The following AHCYL2 variants were observed in gnomAD, a reference collection of about 807,000 sequenced individuals.
AHCYL2 encodes the protein adenosylhomocysteinase like 2.
In AHCYL2, 28 loss-of-function variants were observed where a neutral mutation model predicts 81.4. That is an observed-to-expected ratio of 0.34 (90% CI 0.25 to 0.47). The LOEUF is 0.47. Ranked by LOEUF, AHCYL2 falls within the 20% of genes least tolerant of loss-of-function variation. The pLI is 1.00. For missense variants in AHCYL2, 551 were observed against 785.1 expected (o/e 0.70, Z 3.56); for synonymous variants, 272 against 290.2 (o/e 0.94, Z 0.64).
Position 129,410,574 on chromosome 7 carries a change from C to T in AHCYL2, c.1366+1028C>T, listed in dbSNP as rs548199782. On this transcript the variant is annotated intron_variant, in intron 11 of 16. Transcript: ENST00000325006. ...CCCGGGAAGCCAGATCTTAAATGTA[C>T]ACTTGATTTTTTATTTTACCTCCAA... Among the ~76,000 whole-genome samples the T allele has an allele frequency of 3.3e-5, 5 of 152,312 alleles. No homozygotes were observed. In the East Asian group the frequency reaches 7.7e-4, roughly 24 times the overall value.
chr7:129,271,351 A>ACT (rs1796006530), intron 1 of AHCYL2, among the ~76,000 whole-genome samples: 1 of 113,846 alleles, frequency 8.8e-6, no homozygotes, highest in Non-Finnish European at 1.8e-5. Context: ...ACAGAACGAG[A>ACT]CTGTCTCCAA....
intron 1 of AHCYL2, among the ~76,000 whole-genome samples, chr7:129,288,614 C>T (rs1796724769): frequency 6.6e-6 from 1 of 152,000 alleles, no homozygotes; most frequent in African/African-American, 2.4e-5. Context: ...CCTGCCTCAG[C>T]CTCCCAAAGT....
chr7:129,386,047 GT>G (rs767912514), intron 2 of AHCYL2, among the ~76,000 whole-genome samples: 6 of 152,082 alleles, frequency 3.9e-5, no homozygotes, highest in Non-Finnish European at 7.4e-5. Context: ...CCTTTCCACT[GT>G]GTTTGCAGAA....
chr7:129,416,395 A>T (rs1584906141), intron 12 of AHCYL2, among the ~76,000 whole-genome samples: 1 of 152,368 alleles, frequency 6.6e-6, no homozygotes, highest in African/African-American at 2.4e-5. Flanking sequence ...TGTAAAATTT[A>T]TACTATGTTA....
chr7:129,233,165 A>T (rs1193020497), intron 1 of AHCYL2, among the ~76,000 whole-genome samples: 3 of 152,060 alleles, frequency 2.0e-5, no homozygotes, highest in East Asian at 3.9e-4. Flanking sequence ...ACTGCGAATT[A>T]TTTCTTCATA....
intron 1 of AHCYL2, among the ~76,000 whole-genome samples, chr7:129,228,743 T>C (rs1240627428): frequency 6.6e-6 from 1 of 152,260 alleles, no homozygotes; most frequent in Non-Finnish European, 1.5e-5. Context: ...GAACCTCAAC[T>C]AGATTGTGCT....
Position 129,422,954 on chromosome 7 carries a change from G to A in AHCYL2, c.1560+16G>A. The A allele has an allele frequency of 1.2e-6, 2 of 1,610,190 alleles. No homozygotes were observed. The highest frequency in any genetic ancestry group is 1.1e-5 in the South Asian group (1 of 90,812). ...GCTGGCAGAGGTAAGGCTGAGACTG[G>A]CAAAAATACTCCCCCACAACAGGAG... On this transcript the variant is annotated intron_variant, in intron 13 of 16. Transcript: ENST00000325006.
intron 1 of AHCYL2, among the ~76,000 whole-genome samples, chr7:129,343,648 A>C (rs1482020529): frequency 1.3e-5 from 2 of 152,186 alleles, no homozygotes; most frequent in Admixed American, 6.5e-5. Context: ...GGGCAAAGTG[A>C]ACTTTGTTTC....
chr7:129,388,783 G>A, intron 2 of AHCYL2: 1 of 340,472 alleles, frequency 2.9e-6, no homozygotes, highest in African/African-American at 2.1e-5. Flanking sequence ...CTACCATGGT[G>A]TAACCTTTTC....
At chr7:129,331,591 C>T (rs974536326) in intron 1 of AHCYL2, among the ~76,000 whole-genome samples, 49 of 152,120 alleles carry the variant, frequency 3.2e-4, no homozygotes, top group Admixed American at 3.1e-3. Context: ...TGCCTGTAAT[C>T]CCAGCACTTT....
rs1057247595 is a variant in AHCYL2, at chr7:129,291,703, C to T, written c.363+66264C>T. ...CTGGAAGCCCCACCTCCCAGGTTCA[C>T]GCCGTTCTTCGCCTCAGCCTCCCGA... On this transcript the variant is annotated intron_variant, in intron 1 of 16. Coordinates refer to ENST00000325006, the MANE Select transcript of AHCYL2 (RefSeq NM_015328.4). Among the ~76,000 whole-genome samples the T allele has an allele frequency of 3.8e-4, 6 of 15,854 alleles. No homozygotes were observed. The Non-Finnish European group carries it at 0.028, about 74-fold the overall frequency. The allele number at this position is 15,854 out of a possible 152,430, so 10.4% of individuals were successfully genotyped here.
chr7:129,346,001 CTAAG>C (rs1793349504), intron 1 of AHCYL2, among the ~76,000 whole-genome samples: 1 of 151,898 alleles, frequency 6.6e-6, no homozygotes, highest in Admixed American at 6.6e-5. Context: ...TCTGGGCTGT[CTAAG>C]TAGAGATTTA....
intron 1 of AHCYL2, among the ~76,000 whole-genome samples, chr7:129,225,897 C>CA (rs1199015941): frequency 6.6e-6 from 1 of 152,188 alleles, no homozygotes; most frequent in African/African-American, 2.4e-5. Flanking sequence ...TAGAAATCGT[C>CA]AGAGTTGTCT....
intron 2 of AHCYL2, among the ~76,000 whole-genome samples, chr7:129,385,507 T>G (rs983273345): frequency 6.6e-6 from 1 of 152,092 alleles, no homozygotes; most frequent in African/African-American, 2.4e-5. Flanking sequence ...CATGCTGTCT[T>G]TTGATTTTGG....
At chr7:129,397,482 G>A (rs1018423139) in intron 5 of AHCYL2, among the ~76,000 whole-genome samples, 158 bp downstream of exon 5, 56 of 152,168 alleles carry the variant, frequency 3.7e-4, no homozygotes, top group African/African-American at 1.3e-3. Flanking sequence ...TCTGGCCTTC[G>A]CTTGTCAAAT....
rs150553280 is a variant in AHCYL2, at chr7:129,379,797, G to A, written c.475+48G>A. The A allele has an allele frequency of 6.4e-3, 9,095 of 1,429,074 alleles. 41 individuals carry two copies. The highest frequency in any genetic ancestry group is 7.6e-3 in the Non-Finnish European group (7,833 of 1,025,058). 88.5% of individuals were successfully genotyped at this position (1,429,074 alleles called of 1,614,324 possible). On this transcript the variant is annotated intron_variant, in intron 2 of 16. Transcript: ENST00000325006. Reference sequence around the variant, plus strand: ...CCCAGCTGTTGAGGCTAATAAGTACGATCTCAATGGGCCCTCCTGTCTATC... The same window carrying A: ...CCCAGCTGTTGAGGCTAATAAGTACAATCTCAATGGGCCCTCCTGTCTATC...
At chr7:129,286,054 C>T (rs886384858) in intron 1 of AHCYL2, among the ~76,000 whole-genome samples, 3 of 152,090 alleles carry the variant, frequency 2.0e-5, no homozygotes, top group Non-Finnish European at 2.9e-5. Context: ...TACCCCCAAC[C>T]TCCACCAAAA....
intron 1 of AHCYL2, among the ~76,000 whole-genome samples, chr7:129,355,412 AATAAG>A (rs1352818368): frequency 6.6e-6 from 1 of 152,220 alleles, no homozygotes; most frequent in Admixed American, 6.5e-5. Flanking sequence ...AAATACATTA[AATAAG>A]ATGTCTTTAA....
intron 1 of AHCYL2, among the ~76,000 whole-genome samples, chr7:129,299,658 G>C (rs1031537212): frequency 2.0e-5 from 3 of 152,154 alleles, no homozygotes; most frequent in African/African-American, 7.2e-5. Flanking sequence ...CTCCCAAAGT[G>C]CTGGGATTAC....
Sources: gnomAD v4.1 joint callset for allele counts (sites outside exome capture counted in the v4.1 genomes callset) on GRCh38, gnomAD v4.1.1 for gene constraint, MANE v1.5 for transcripts, NCBI Gene and HGNC (gene_info 2026-07-23, HGNC 2026-07-21) for gene names.